Variants in TMEM74 observed in about 807,000 individuals in gnomAD.
TMEM74 encodes the protein transmembrane protein 74.
TMEM74 carries 13 observed loss-of-function variants against 18.1 expected under a neutral mutation model. The ratio of observed to expected loss-of-function variants is 0.72; its 90% CI spans 0.47 to 1.14. TMEM74 has a LOEUF of 1.14. TMEM74 is among the 50% of genes most tolerant of loss of function. The pLI, the probability that TMEM74 is intolerant of heterozygous loss-of-function variation, is 0.00. For synonymous variants in TMEM74, 159 were observed against 146.6 expected (o/e 1.08, Z -0.61); for missense variants, 372 against 375.9 (o/e 0.99, Z 0.09).
At chr8:108,734,641 C>G (rs568719511) in intron 1 of TMEM74, among the ~76,000 whole-genome samples, 29 of 152,122 alleles carry the variant, frequency 1.9e-4, no homozygotes, top group African/African-American at 6.3e-4. Flanking sequence ...TTTTTAATAT[C>G]CTCTGTAACT....
At chr8:108,676,677 T>G (rs1205319099) in intron 1 of TMEM74, among the ~76,000 whole-genome samples, 1 of 152,222 alleles carries the variant, frequency 6.6e-6, no homozygotes, top group Non-Finnish European at 1.5e-5. Flanking sequence ...AACTCTCTCC[T>G]TCCCCCTTCT....
chr8:108,620,872 A>G (rs1398863859), intron 2 of TMEM74, among the ~76,000 whole-genome samples: 1 of 152,110 alleles, frequency 6.6e-6, no homozygotes, highest in Non-Finnish European at 1.5e-5. Context: ...CATAGAAGTG[A>G]TATTGTGAGA....
rs1814311027 is a variant in TMEM74 at position 108,781,891 on chromosome 8, T to C, written c.*2290A>G. ...AATGCTTCCACATGAAAAGCTTTAT[T>C]ATCAAGTGAAAAGACCTCCTAACAC... is the stretch of plus-strand genomic sequence containing the variant. On this transcript the variant is annotated 3_prime_UTR_variant, in exon 2 of 2. Coordinates refer to ENST00000297459, the MANE Select transcript of TMEM74 (RefSeq NM_153015.3). 6.6e-6 allele frequency among the ~76,000 whole-genome samples: 1 copy of C among 152,196 alleles called. No individual in the cohort carries two copies. The highest frequency in any genetic ancestry group is 1.5e-5 in the Non-Finnish European group (1 of 68,030).
At chr8:108,625,892 A>C (rs992276336) in intron 2 of TMEM74, among the ~76,000 whole-genome samples, 3 of 152,032 alleles carry the variant, frequency 2.0e-5, no homozygotes, top group Non-Finnish European at 4.4e-5. Context: ...ATACAGGAAC[A>C]GTATGTAAGG....
chr8:108,669,068 A>G (rs953709942), intron 1 of TMEM74, among the ~76,000 whole-genome samples: 14 of 151,922 alleles, frequency 9.2e-5, no homozygotes, highest in Non-Finnish European at 1.6e-4. Context: ...GGCTCCTTAC[A>G]CACCCTACTC....
chr8:108,750,263 A>G (rs993546637), intron 1 of TMEM74, among the ~76,000 whole-genome samples: 1 of 152,174 alleles, frequency 6.6e-6, no homozygotes. Flanking sequence ...TTGCTCAAAC[A>G]TATTTAATTA....
intron 1 of TMEM74, among the ~76,000 whole-genome samples, chr8:108,785,354 TAAGTC>T (rs1814372163): frequency 6.6e-6 from 1 of 152,062 alleles, no homozygotes; most frequent in Non-Finnish European, 1.5e-5. Context: ...CTGAGAAACT[TAAGTC>T]AGGGTAGAAA....
rs770087708 is a variant in TMEM74, at chr8:108,784,595, C to G, written c.504G>C (p.Thr168=). The part of the protein sequence containing the change: ...EEEDDTSSEA[T]SSGKSIDYGF... The stretch of plus-strand genomic sequence containing the variant: ...CATAGTCTATAGACTTCCCTGAAGA[C>G]GTGGCTTCTGAACTTGTATCATCCT... The change falls in exon 2 of 2, where the codon ACG becomes ACC. Residue 168 remains threonine, a synonymous_variant. Transcript: ENST00000297459. 4 of 1,614,134 alleles carry G rather than the reference C, an allele frequency of 2.5e-6. No individual in the cohort carries two copies. In the East Asian group the frequency reaches 8.9e-5, roughly 36 times the overall value.
rs146973526 is a variant in TMEM74, at chr8:108,609,561, T to C, written n.265-735A>G. On this transcript the variant is annotated intron_variant and non_coding_transcript_variant, in intron 2 of 3. Transcript: ENST00000518838. ...TACTGGGGAGGCTGAGGCATGAGAA[T>C]AGCTTGAACCCAGGAGGCAGAGGTT... Among the ~76,000 whole-genome samples, 1,160 of 152,124 alleles carry C rather than the reference T, an allele frequency of 7.6e-3. 19 individuals carry two copies. Among genetic ancestry groups the C allele is most frequent in the African/African-American group, 0.025 (1,039 of 41,494 alleles).
intron 1 of TMEM74, among the ~76,000 whole-genome samples, chr8:108,695,675 T>G (rs998035980): frequency 1.3e-5 from 2 of 152,172 alleles, no homozygotes; most frequent in African/African-American, 4.8e-5. Context: ...CACCCCACCT[T>G]GATCTTCTCC....
intron 2 of TMEM74, among the ~76,000 whole-genome samples, chr8:108,627,116 T>C (rs998208352): frequency 2.6e-5 from 4 of 152,034 alleles, no homozygotes; most frequent in Admixed American, 2.6e-4. Flanking sequence ...AATGTGCAAA[T>C]TCCATTTTCT....
At chr8:108,751,212 A>G (rs1022202006) in intron 1 of TMEM74, among the ~76,000 whole-genome samples, 1 of 152,236 alleles carries the variant, frequency 6.6e-6, no homozygotes, top group South Asian at 2.1e-4. Context: ...AACCTCCCCA[A>G]CAAAAAAGAT....
intron 1 of TMEM74, among the ~76,000 whole-genome samples, chr8:108,681,291 A>G (rs1286199130): frequency 1.3e-5 from 2 of 152,266 alleles, no homozygotes; most frequent in East Asian, 3.9e-4. Context: ...AGTAACCAAA[A>G]CAGCATGGTA....
At chr8:108,771,214 G>A (rs1814167390) in intron 1 of TMEM74, among the ~76,000 whole-genome samples, 1 of 152,072 alleles carries the variant, frequency 6.6e-6, no homozygotes, top group Non-Finnish European at 1.5e-5. Flanking sequence ...TACTAGCTGT[G>A]TGACCTTGGG....
At chr8:108,752,733 T>C (rs1169695555) in intron 1 of TMEM74, among the ~76,000 whole-genome samples, 1 of 152,164 alleles carries the variant, frequency 6.6e-6, no homozygotes, top group Non-Finnish European at 1.5e-5. Context: ...ACTTGTTCAC[T>C]CTTTATTCCC....
chr8:108,772,607 G>C (rs977844023), intron 1 of TMEM74, among the ~76,000 whole-genome samples: 1 of 152,120 alleles, frequency 6.6e-6, no homozygotes, highest in Non-Finnish European at 1.5e-5. Context: ...CCATGAGGTT[G>C]GCCTTGGTGG....
chr8:108,737,056 C>T (rs1813755882), intron 1 of TMEM74, among the ~76,000 whole-genome samples: 1 of 152,070 alleles, frequency 6.6e-6, no homozygotes, highest in East Asian at 1.9e-4. Context: ...TTAAAAGCCC[C>T]TTTGGCCTTC....
intron 1 of TMEM74, among the ~76,000 whole-genome samples, chr8:108,733,234 A>T (rs530936720): frequency 6.6e-6 from 1 of 152,322 alleles, no homozygotes; most frequent in African/African-American, 2.4e-5. Context: ...AGTAACCCCA[A>T]ACTGGAACAA....
intron 1 of TMEM74, among the ~76,000 whole-genome samples, chr8:108,718,174 G>A (rs991729323): frequency 5.4e-5 from 4 of 73,422 alleles, no homozygotes; most frequent in Admixed American, 4.1e-4. Flanking sequence ...TAGCCGGGAT[G>A]GTCTCGATCT....
Sources: allele counts gnomAD v4.1 joint callset (sites outside exome capture counted in the v4.1 genomes callset), GRCh38; gene constraint gnomAD v4.1.1; transcripts MANE v1.5; gene names NCBI Gene and HGNC (gene_info 2026-07-23, HGNC 2026-07-21).